Variants in METTL25 observed in about 807,000 individuals in gnomAD.
METTL25 encodes the protein probable methyltransferase-like protein 25.
METTL25 carries 64 observed loss-of-function variants against 71.6 expected under a neutral mutation model. That is an observed-to-expected ratio of 0.89 (90% CI 0.73 to 1.10). The LOEUF is 1.10. Among genes scored for constraint, METTL25 ranks in the 50% least tolerant of loss-of-function variants. The probability of loss-of-function intolerance (pLI) is 0.00; values close to 1 mark genes in which losing one functional copy is unlikely to be tolerated. For synonymous variants in METTL25, 287 were observed against 250.3 expected, an observed-to-expected ratio of 1.15 and a Z score of -1.38; for missense variants, 807 against 707.0, an observed-to-expected ratio of 1.14 and a Z score of -1.60.
chr12:82,447,338 C>CA (rs1890830001), intron 8 of METTL25, among the ~76,000 whole-genome samples: 3 of 151,986 alleles, frequency 2.0e-5, no homozygotes, highest in African/African-American at 4.8e-5. Flanking sequence ...AATCCAGGAA[C>CA]AAAAAACTCA....
chr12:82,407,905 A>G (rs1592670863), intron 5 of METTL25: 1 of 984,738 alleles, frequency 1.0e-6, no homozygotes, highest in South Asian at 4.7e-5. Context: ...CCAACACTCC[A>G]TCTCCATTTT....
intron 9 of METTL25, among the ~76,000 whole-genome samples, chr12:82,460,699 T>C (rs1891805895): frequency 6.6e-6 from 1 of 152,198 alleles, no homozygotes; most frequent in African/African-American, 2.4e-5. Context: ...TTTGAGAAAC[T>C]GTCAAAGCCA....
intron 5 of METTL25, among the ~76,000 whole-genome samples, chr12:82,426,960 T>C (rs1366151116): frequency 6.6e-6 from 1 of 151,972 alleles, no homozygotes; most frequent in Non-Finnish European, 1.5e-5. Flanking sequence ...CTTTTATCCC[T>C]ATTCATATTA....
At chr12:82,378,180 A>G (rs528566788) in intron 1 of METTL25, among the ~76,000 whole-genome samples, 8 of 152,312 alleles carry the variant, frequency 5.3e-5, no homozygotes, top group South Asian at 2.1e-4. Context: ...GCTGATACCA[A>G]TGACAGTCAC....
At position 82,386,457 on chromosome 12, in the gene METTL25, C is replaced by T. The variant is rs78789304; in HGVS notation, c.260-346C>T. ...TCCCTCCCTCCCTCCCTCCCTCCCT[C>T]TCTCTCTCCCTTCCTCCCTCCCTCC... On this transcript the variant is annotated intron_variant, in intron 1 of 11. Transcript: ENST00000248306. Among the ~76,000 whole-genome samples the T allele has an allele frequency of 8.9e-3, 1,083 of 122,122 alleles. 21 individuals are homozygous for T. The highest frequency in any genetic ancestry group is 0.031 in the African/African-American group (1,020 of 32,510). 80.1% of individuals were successfully genotyped at this position (122,122 alleles called of 152,430 possible). A position where few individuals can be genotyped will look rare whatever the true frequency, so the allele number is the denominator to read the frequency against.
At chr12:82,387,022 T>G (rs1467910653) in intron 2 of METTL25, 55 bp downstream of exon 2, 47 of 1,405,162 alleles carry the variant, frequency 3.3e-5, no homozygotes, top group Non-Finnish European at 4.6e-5. Context: ...GAAGCAATAC[T>G]TTGTTCATAT....
intron 1 of METTL25, among the ~76,000 whole-genome samples, chr12:82,370,272 T>C (rs557051491): frequency 1.3e-4 from 20 of 152,290 alleles, no homozygotes; most frequent in African/African-American, 4.6e-4. Context: ...CATCTGTAAC[T>C]TGATGGCCTC....
chr12:82,421,926 G>T (rs548106649), intron 5 of METTL25, among the ~76,000 whole-genome samples: 43 of 152,240 alleles, frequency 2.8e-4, no homozygotes, highest in Admixed American at 1.6e-3. Flanking sequence ...ACCAAAAAAA[G>T]TCCAGGACCT....
Position 82,379,898 on chromosome 12 carries a change from C to G in METTL25, c.260-6905C>G, listed in dbSNP as rs117999783. 2.4e-3 allele frequency among the ~76,000 whole-genome samples: 368 copies of G among 152,224 alleles called. 1 individual carries two copies. Among genetic ancestry groups the G allele is most frequent in the Non-Finnish European group, 4.3e-3 (292 of 68,020 alleles). On this transcript the variant is annotated intron_variant, in intron 1 of 11. Transcript: ENST00000248306. ...GATCTTGCACTCAGGTTCCAGAGCC[C>G]AAATCTCCTTTCTCCCAGCAGGTCC... is the stretch of plus-strand genomic sequence containing the variant.
chr12:82,449,483 A>G (rs1890986244), intron 8 of METTL25, among the ~76,000 whole-genome samples: 1 of 151,994 alleles, frequency 6.6e-6, no homozygotes, highest in Non-Finnish European at 1.5e-5. Flanking sequence ...GTTTTCTTGG[A>G]GTTGTTCTCT....
At chr12:82,478,556 A>G (rs1400069317) in intron 11 of METTL25, among the ~76,000 whole-genome samples, 1 of 151,746 alleles carries the variant, frequency 6.6e-6, no homozygotes, top group East Asian at 1.9e-4. Context: ...AAAATTATAA[A>G]TGCAGTTTTA....
At chr12:82,431,113 G>A in intron 6 of METTL25, 126 bp downstream of exon 6, 1 of 471,600 alleles carries the variant, frequency 2.1e-6, no homozygotes, top group Non-Finnish European at 3.9e-6. Flanking sequence ...TTTGTGCATT[G>A]GAAATTATAA....
chr12:82,412,259 T>C (rs17775169), intron 5 of METTL25, among the ~76,000 whole-genome samples: 9,436 of 152,234 alleles, frequency 0.062, 341 homozygotes, highest in Middle Eastern at 0.12. Flanking sequence ...TGCATTCCTG[T>C]TGACAATCTT....
At chr12:82,408,653 G>A (rs1887298755) in intron 5 of METTL25, among the ~76,000 whole-genome samples, 1 of 151,182 alleles carries the variant, frequency 6.6e-6, no homozygotes, top group African/African-American at 2.4e-5. Flanking sequence ...AACAGAGTTG[G>A]TTCTGGGCTA....
intron 6 of METTL25, 61 bp from the exon 7 acceptor site, chr12:82,434,633 GT>G: frequency 8.0e-7 from 1 of 1,244,534 alleles, no homozygotes; most frequent in Non-Finnish European, 1.1e-6. Flanking sequence ...CTTATACAGT[GT>G]GTTTATAAAT....
At chr12:82,388,358 G>T (rs1350018911) in intron 2 of METTL25, among the ~76,000 whole-genome samples, 1 of 151,754 alleles carries the variant, frequency 6.6e-6, no homozygotes, top group Non-Finnish European at 1.5e-5. Flanking sequence ...TTATTTCATA[G>T]TGTTCCCCCT....
chr12:82,361,470 G>C (rs912394757), intron 1 of METTL25, among the ~76,000 whole-genome samples: 3 of 152,160 alleles, frequency 2.0e-5, no homozygotes, highest in African/African-American at 7.2e-5. Flanking sequence ...GCAGGAGGCG[G>C]TGCTCGTTGG....
intron 5 of METTL25, among the ~76,000 whole-genome samples, chr12:82,408,943 C>T (rs1398248929): frequency 1.3e-5 from 2 of 152,076 alleles, no homozygotes; most frequent in Non-Finnish European, 2.9e-5. Flanking sequence ...CACCTTCACC[C>T]TCACTTTATT....
rs1428272135 is a variant in METTL25, at chr12:82,403,082, G to A, written c.1231G>A (p.Gly411Ser). 6.2e-7 allele frequency: 1 copy of A among 1,613,116 alleles called. No homozygotes were observed. The highest frequency in any genetic ancestry group is 8.5e-7 in the Non-Finnish European group (1 of 1,179,504). The change falls in exon 5 of 12, where the codon GGT becomes AGT. Residue 411 changes from glycine to serine, a missense_variant. By Grantham distance (56) the Gly-to-Ser change is moderately conservative. Transcript: ENST00000248306. ...TGAAATCAAGGGAGTTTGCAGTGTG[G>A]GTTGTTGCTACCACCTCTTATCTGA... ...NSEIKGVCSV[G>S]CCYHLLSEEF...
Sources: allele counts gnomAD v4.1 joint callset (sites outside exome capture counted in the v4.1 genomes callset), GRCh38; gene constraint gnomAD v4.1.1; transcripts MANE v1.5; gene names NCBI Gene and HGNC (gene_info 2026-07-23, HGNC 2026-07-21).